Variants in DOCK9 observed in about 807,000 individuals in gnomAD.
The protein encoded by DOCK9 is dedicator of cytokinesis 9, also known as dedicator of cytokinesis protein 9.
A neutral mutation model predicts 263.3 loss-of-function variants in DOCK9; 89 were observed. The observed-to-expected ratio is 0.34, with a 90% CI of 0.28 to 0.40. The LOEUF (loss-of-function observed/expected upper bound fraction) is 0.40. Ranked by LOEUF, DOCK9 falls within the 10% of genes least tolerant of loss-of-function variation. The pLI is 1.00. For missense variants in DOCK9, 2,140 were observed against 2,603.4 expected (o/e 0.82, Z 3.87); for synonymous variants, 976 against 973.1 (o/e 1.00, Z -0.06).
In DOCK9 at chr13:99,026,447, G is replaced by A. The variant is rs118047224; in HGVS notation, c.129+59776C>T. Among the ~76,000 whole-genome samples the A allele has an allele frequency of 4.7e-3, 712 of 152,310 alleles. 6 individuals carry two copies. Among genetic ancestry groups the A allele is most frequent in the South Asian group, 0.015 (74 of 4,818 alleles). Reference sequence around the variant, plus strand: ...AATGCCCAAAAGCACTCCTGGCACTGCATATGCAGAAGAGAGGACAGCTAA... The same window carrying A: ...AATGCCCAAAAGCACTCCTGGCACTACATATGCAGAAGAGAGGACAGCTAA... On this transcript the variant is annotated intron_variant, in intron 1 of 32. Transcript: ENST00000427887.
chr13:99,069,142 G>GT (rs971701595), intron 1 of DOCK9, among the ~76,000 whole-genome samples: 9 of 152,248 alleles, frequency 5.9e-5, no homozygotes, highest in Admixed American at 2.0e-4. Flanking sequence ...GCCTAGGGAG[G>GT]TTTTTTCTCA....
chr13:99,071,693 A>G (rs1430560942), intron 1 of DOCK9, among the ~76,000 whole-genome samples: 1 of 152,120 alleles, frequency 6.6e-6, no homozygotes, highest in African/African-American at 2.4e-5. Context: ...ACTGAAATAC[A>G]TAATTTCTGG....
chr13:98,850,672 C>T (rs1448909209), intron 35 of DOCK9, among the ~76,000 whole-genome samples: 1 of 152,184 alleles, frequency 6.6e-6, no homozygotes, highest in Non-Finnish European at 1.5e-5. Context: ...TTTCTCTCCC[C>T]TAACTTTTTG....
At chr13:98,796,067 T>C in intron 52 of DOCK9, 1 of 634,834 alleles carries the variant, frequency 1.6e-6, no homozygotes. Context: ...CCTCTACTTT[T>C]TAAAATGTCC....
intron 1 of DOCK9, among the ~76,000 whole-genome samples, chr13:99,040,720 C>A (rs929336620): frequency 6.6e-6 from 1 of 152,084 alleles, no homozygotes; most frequent in Non-Finnish European, 1.5e-5. Flanking sequence ...GAGTCCACGA[C>A]AACAGAGGGT....
intron 10 of DOCK9, among the ~76,000 whole-genome samples, 176 bp from the exon 11 acceptor site, chr13:98,903,288 T>C (rs990619196): frequency 1.3e-5 from 2 of 152,072 alleles, no homozygotes; most frequent in Non-Finnish European, 2.9e-5. Context: ...ACACACATAG[T>C]TTATAACAAT....
In DOCK9 at chr13:99,082,855, T is replaced by C. The variant is rs569457199; in HGVS notation, c.129+3368A>G. Among the ~76,000 whole-genome samples, 130 of 152,352 alleles carry C rather than the reference T, an allele frequency of 8.5e-4. 1 individual carries two copies. The highest frequency in any genetic ancestry group is 1.8e-3 in the Admixed American group (28 of 15,296). On this transcript the variant is annotated intron_variant, in intron 1 of 32. Coordinates refer to the DOCK9 transcript ENST00000427887. ...AGGTTAAGTTATATACCTAAGATTGTACAGCTGGTGAGGCATAAAACCAGG... is the reference window on the plus strand; with the variant it reads ...AGGTTAAGTTATATACCTAAGATTGCACAGCTGGTGAGGCATAAAACCAGG...
At chr13:98,932,319 C>T (rs867860621) in intron 2 of DOCK9, among the ~76,000 whole-genome samples, 7 of 152,192 alleles carry the variant, frequency 4.6e-5, no homozygotes, top group Middle Eastern at 3.4e-3. Flanking sequence ...CACTTGAACC[C>T]GGGAGGCGGA....
chr13:98,930,508 C>A (rs2053744223), intron 2 of DOCK9, among the ~76,000 whole-genome samples: 1 of 152,238 alleles, frequency 6.6e-6, no homozygotes, highest in African/African-American at 2.4e-5. Flanking sequence ...TCCAGCTCAG[C>A]CCTTCCCGCA....
chr13:99,047,911 A>ACTGGC (rs140285301), intron 1 of DOCK9, among the ~76,000 whole-genome samples: 3,125 of 151,950 alleles, frequency 0.021, 105 homozygotes, highest in African/African-American at 0.072. Flanking sequence ...CCTCCCTTTC[A>ACTGGC]CTGGCCTTTT....
At chr13:99,083,348 T>A (rs750855341) in intron 1 of DOCK9, among the ~76,000 whole-genome samples, 2 of 152,148 alleles carry the variant, frequency 1.3e-5, no homozygotes, top group African/African-American at 2.4e-5. Context: ...TAGAACAAAC[T>A]AACAATCAAA....
chr13:98,847,999 G>A (rs566168109), intron 37 of DOCK9, among the ~76,000 whole-genome samples: 1 of 152,184 alleles, frequency 6.6e-6, no homozygotes, highest in Non-Finnish European at 1.5e-5. Context: ...ACAGGAAAGT[G>A]GGAGTGACGC....
chr13:98,921,988 T>C, intron 6 of DOCK9, 63 bp downstream of exon 6: 1 of 1,335,780 alleles, frequency 7.5e-7, no homozygotes, highest in Non-Finnish European at 1.0e-6. Flanking sequence ...TTGAGCATTG[T>C]TCTCGAGCTC....
intron 2 of DOCK9, among the ~76,000 whole-genome samples, chr13:98,941,297 C>A (rs1219621059): frequency 2.0e-5 from 3 of 152,158 alleles, no homozygotes; most frequent in Non-Finnish European, 4.4e-5. Context: ...AGAGGGACTG[C>A]GCAATTTAGT....
At chr13:98,828,955 C>CTG (rs1276980936) in intron 43 of DOCK9, among the ~76,000 whole-genome samples, 1 of 152,208 alleles carries the variant, frequency 6.6e-6, no homozygotes, top group Non-Finnish European at 1.5e-5. Context: ...AAAGCAACAC[C>CTG]TGTCATTACC....
At chr13:98,946,375 T>G (rs9584972) in intron 2 of DOCK9, among the ~76,000 whole-genome samples, 20,407 of 152,002 alleles carry the variant, frequency 0.13, 1,426 homozygotes, top group East Asian at 0.2. Context: ...CTGGTGAGAC[T>G]TGACTCCCCC....
At chr13:99,023,169 A>G (rs1886315102) in intron 1 of DOCK9, among the ~76,000 whole-genome samples, 1 of 152,250 alleles carries the variant, frequency 6.6e-6, no homozygotes, top group Non-Finnish European at 1.5e-5. Flanking sequence ...ACCCACGTTC[A>G]TAGGCAGCAT....
chr13:98,980,281 G>C (rs1876865728), upstream of DOCK9, among the ~76,000 whole-genome samples: 1 of 152,264 alleles, frequency 6.6e-6, no homozygotes, highest in Non-Finnish European at 1.5e-5. Flanking sequence ...GTAAGTGCTG[G>C]CTATGGCCCA....
intron 2 of DOCK9, among the ~76,000 whole-genome samples, 166 bp from the exon 3 acceptor site, chr13:98,930,423 T>TG (rs1297663427): frequency 6.6e-6 from 1 of 152,180 alleles, no homozygotes; most frequent in East Asian, 1.9e-4. Context: ...CAGATTCCAC[T>TG]GGGCAGCCTC....
Sources: allele counts gnomAD v4.1 joint callset (sites outside exome capture counted in the v4.1 genomes callset), GRCh38; gene constraint gnomAD v4.1.1; transcripts MANE v1.5; gene names NCBI Gene and HGNC (gene_info 2026-07-23, HGNC 2026-07-21).